The following MIA3 variants were observed in gnomAD, a reference collection of about 807,000 sequenced individuals.
MIA3 encodes the protein MIA SH3 domain ER export factor 3.
MIA3 carries 90 observed loss-of-function variants against 192.4 expected under a neutral mutation model. That is an observed-to-expected ratio of 0.47 (90% CI 0.39 to 0.56). The LOEUF is 0.56. Ranked by LOEUF, MIA3 falls within the 20% of genes least tolerant of loss-of-function variation. The pLI, the probability that MIA3 is intolerant of heterozygous loss-of-function variation, is 0.00. For synonymous variants in MIA3, 740 were observed against 792.8 expected, an observed-to-expected ratio of 0.93 and a Z score of 1.12; for missense variants, 2,123 against 2,269.4, an observed-to-expected ratio of 0.94 and a Z score of 1.31.
In MIA3 at chr1:222,618,253, C is replaced by G. The variant is rs926151352; in HGVS notation, c.133+10C>G. 12 of 1,434,154 alleles carry G rather than the reference C, an allele frequency of 8.4e-6. No homozygotes were observed. The highest frequency in any genetic ancestry group is 1.0e-5 in the Non-Finnish European group (11 of 1,081,762). 88.8% of individuals were successfully genotyped at this position (1,434,154 alleles called of 1,614,324 possible). ...GACGACGAATGCAGCAGTGAGTGCGCTGGAGGGGCGGCTGGCCTCGGGGCG... is the reference window on the plus strand; with the variant it reads ...GACGACGAATGCAGCAGTGAGTGCGGTGGAGGGGCGGCTGGCCTCGGGGCG... On this transcript the variant is annotated intron_variant, in intron 1 of 27. Transcript: ENST00000344922.
chr1:222,624,884 GT>G, intron 3 of MIA3, 30 bp downstream of exon 3: 1 of 1,324,096 alleles, frequency 7.6e-7, no homozygotes, highest in Non-Finnish European at 1.1e-6. Flanking sequence ...CTTGTTCTCA[GT>G]TATAAGTTGG....
At chr1:222,654,198 A>G (rs764626381) in intron 15 of MIA3, 45 bp from the exon 16 acceptor site, 5 of 1,573,200 alleles carry the variant, frequency 3.2e-6, no homozygotes, top group Admixed American at 1.7e-5. Context: ...AGATTTAAAA[A>G]GCAAGGGAAG....
rs754813538 is a variant in MIA3, at chr1:222,628,700, A to G, written c.1480A>G (p.Thr494Ala). ...ELEDENQEGMTVHSSVHSNNL... is the reference protein window; with the variant it reads ...ELEDENQEGMAVHSSVHSNNL... The stretch of plus-strand genomic sequence containing the variant: ...AGAGGATGAAAATCAAGAAGGCATG[A>G]CTGTGCACAGTTCTGTTCACAGCAA... The change falls in exon 4 of 28, where the codon ACT becomes GCT. Residue 494 changes from threonine (T) to alanine (A), a missense_variant. Transcript: ENST00000344922. The G allele has an allele frequency of 2.5e-6, 4 of 1,614,100 alleles. No homozygotes were observed. The Admixed American group carries it at 5.0e-5, about 20-fold the overall frequency.
chr1:222,629,735 C>G lies in MIA3; in HGVS notation c.2515C>G (p.Pro839Ala), dbSNP rs1427099509. 2.5e-6 allele frequency: 4 copies of G among 1,614,168 alleles called. No homozygotes were observed. The highest frequency in any genetic ancestry group is 3.4e-6 in the Non-Finnish European group (4 of 1,180,008). The change falls in exon 4 of 28, where the codon CCA becomes GCA. Residue 839 changes from proline to alanine, a missense_variant. This residue lies in a region of MIA3 where 1,357 missense variants were observed against 1,396.1 expected (regional missense o/e 0.97). Coordinates refer to ENST00000344922, the MANE Select transcript of MIA3 (RefSeq NM_198551.4). Reference protein sequence around the residue: ...DFSDSIKIQTPELGEVFQNKD... With the variant: ...DFSDSIKIQTAELGEVFQNKD... ...TTCTGACAGCATAAAAATTCAGACT[C>G]CAGAATTAGGTGAAGTGTTTCAGAA...
intron 6 of MIA3, among the ~76,000 whole-genome samples, chr1:222,638,619 C>T (rs766958154): frequency 4.6e-5 from 7 of 152,140 alleles, no homozygotes; most frequent in Non-Finnish European, 1.0e-4. Context: ...GTTGCTTGAG[C>T]CCAGGAGGTC....
At chr1:222,633,006 G>A in intron 5 of MIA3, 98 bp from the exon 6 acceptor site, 1 of 1,238,280 alleles carries the variant, frequency 8.1e-7, no homozygotes. Context: ...TTACTTTCCA[G>A]GCACAGTGCC....
At chr1:222,636,162 C>T (rs1380613716) in intron 6 of MIA3, among the ~76,000 whole-genome samples, 1 of 152,172 alleles carries the variant, frequency 6.6e-6, no homozygotes, top group Non-Finnish European at 1.5e-5. Flanking sequence ...CCTTCCCTAA[C>T]ACTTGGTATT....
chr1:222,645,296 C>G (rs574249369), intron 6 of MIA3, among the ~76,000 whole-genome samples: 1 of 152,182 alleles, frequency 6.6e-6, no homozygotes, highest in African/African-American at 2.4e-5. Flanking sequence ...TGTATCAGGG[C>G]CTATTGAAAC....
chr1:222,626,766 C>T (rs1189474118), intron 3 of MIA3, among the ~76,000 whole-genome samples: 2 of 152,176 alleles, frequency 1.3e-5, no homozygotes, highest in African/African-American at 4.8e-5. Flanking sequence ...ATCTCATGCA[C>T]CTGTATCTCA....
intron 4 of MIA3, among the ~76,000 whole-genome samples, chr1:222,631,409 C>T (rs572631183): frequency 5.9e-5 from 9 of 152,202 alleles, no homozygotes; most frequent in Middle Eastern, 3.4e-3. Flanking sequence ...TGTGAGCTAC[C>T]GCACCTGGTA....
chr1:222,636,032 T>C (rs1389440675), intron 6 of MIA3, among the ~76,000 whole-genome samples: 2 of 152,214 alleles, frequency 1.3e-5, no homozygotes, highest in South Asian at 4.1e-4. Flanking sequence ...CATTTTATCC[T>C]GGAAAATTTC....
At chr1:222,654,524 C>A in intron 17 of MIA3, 45 bp downstream of exon 17, 4 of 1,565,306 alleles carry the variant, frequency 2.6e-6, no homozygotes, top group South Asian at 2.2e-5. Flanking sequence ...TGGAAAGATA[C>A]AAAATTGCAT....
intron 6 of MIA3, chr1:222,641,630 CCA>C: frequency 1.9e-6 from 1 of 531,454 alleles, no homozygotes; most frequent in South Asian, 1.4e-5. Flanking sequence ...AGCACATGTT[CCA>C]CATCATGCAG....
Position 222,664,158 on chromosome 1 carries a change from T to C in MIA3, c.5413+10T>C. ...CTTCCTCCACCCTTTGGTAAGATGATCTGAACAGTAGTAATTGACTTGTAA... is the reference window on the plus strand; with the variant it reads ...CTTCCTCCACCCTTTGGTAAGATGACCTGAACAGTAGTAATTGACTTGTAA... On this transcript the variant is annotated intron_variant, in intron 27 of 27. Coordinates refer to ENST00000344922, the MANE Select transcript of MIA3 (RefSeq NM_198551.4). The C allele has an allele frequency of 6.2e-7, 1 of 1,613,920 alleles. No individual in the cohort carries two copies. The highest frequency in any genetic ancestry group is 2.2e-5 in the East Asian group (1 of 44,878).
In MIA3 at chr1:222,629,116, C is replaced by G. The variant is rs764802375; in HGVS notation, c.1896C>G (p.Phe632Leu). The G allele has an allele frequency of 6.2e-7, 1 of 1,614,250 alleles. No homozygotes were observed. The highest frequency in any genetic ancestry group is 1.1e-5 in the South Asian group (1 of 91,084). ...LVLKTQNQPR[F>L]SSPDEIDLPR... ...TTAAAACTCAAAACCAACCTAGATT[C>G]TCCTCTCCAGATGAGATTGATTTGC... Residue 632 changes from phenylalanine (F) to leucine (L), a missense_variant, in exon 4 of 28, where the codon TTC becomes TTG. Around this residue, in one of 3 missense-constraint regions of MIA3, gnomAD observed 1,357 missense variants for 1,396.1 expected, o/e 0.97. Transcript: ENST00000344922.
In MIA3 at chr1:222,665,323, C is replaced by T. The variant is rs369169439; in HGVS notation, c.5428C>T (p.Pro1810Ser). 3 of 1,609,730 alleles carry T rather than the reference C, an allele frequency of 1.9e-6. No homozygotes were observed. The highest frequency in any genetic ancestry group is 2.5e-6 in the Non-Finnish European group (3 of 1,178,200). The stretch of plus-strand genomic sequence containing the variant: ...TTGTTTTCCAGGCCCTGGTATGCGT[C>T]CACCACTAGGCTTAAGAGAATTTGC... ...LPPPFGPGMR[P>S]PLGLREFAPG... is the part of the protein sequence containing the mutation. Residue 1810 changes from proline (P) to serine (S), a missense_variant, in exon 28 of 28, where the codon CCA becomes TCA. Pro to Ser is a moderately conservative substitution (Grantham distance 74). Around this residue, in one of 3 missense-constraint regions of MIA3, gnomAD observed 762 missense variants for 856.4 expected, o/e 0.89. Transcript: ENST00000344922.
Position 222,630,380 on chromosome 1 carries a change from G to GCAATGGAA in MIA3, c.3161_3168dup (p.Glu1057GlnfsTer36). 6.3e-7 allele frequency: 1 copy of GCAATGGAA among 1,599,594 alleles called. No individual in the cohort carries two copies. Among genetic ancestry groups the GCAATGGAA allele is most frequent in the Non-Finnish European group, 8.5e-7 (1 of 1,173,200 alleles). On this transcript the variant is annotated frameshift_variant, in exon 4 of 28. Transcript: ENST00000344922. LOFTEE classifies it high-confidence loss of function. ...ACCTCTAGAGGAAGGCTTGGGTGGA[G>GCAATGGAA]CAATGGAAGGTGAGATGCCTATGGC...
intron 6 of MIA3, among the ~76,000 whole-genome samples, chr1:222,643,700 C>T (rs1423628478): frequency 6.6e-6 from 1 of 152,028 alleles, no homozygotes; most frequent in Non-Finnish European, 1.5e-5. Context: ...GTAGTCCCAG[C>T]TTCTTAGATG....
intron 24 of MIA3, among the ~76,000 whole-genome samples, chr1:222,661,820 C>T (rs1664029000): frequency 6.6e-6 from 1 of 152,166 alleles, no homozygotes; most frequent in Admixed American, 6.5e-5. Flanking sequence ...AAGTCTGTAG[C>T]TTGAAGTATA....
Sources: allele counts gnomAD v4.1 joint callset (sites outside exome capture counted in the v4.1 genomes callset), GRCh38; gene constraint gnomAD v4.1.1; regional missense constraint gnomAD v4.1.1; transcripts MANE v1.5; gene names NCBI Gene and HGNC (gene_info 2026-07-23, HGNC 2026-07-21).